The following SPAG16 variants were observed in gnomAD, a reference collection of about 807,000 sequenced individuals.
The protein encoded by SPAG16 is sperm-associated antigen 16 protein.
SPAG16 carries 86 observed loss-of-function variants against 80.4 expected under a neutral mutation model. The ratio of observed to expected loss-of-function variants is 1.07; its 90% CI spans 0.90 to 1.28. SPAG16 has a LOEUF of 1.28. Ranked by LOEUF, SPAG16 falls within the 50% of genes most tolerant of loss-of-function variation. The pLI is 0.00. For synonymous variants in SPAG16, 294 were observed against 265.9 expected (o/e 1.11, Z -1.03); for missense variants, 870 against 765.3 (o/e 1.14, Z -1.61).
At chr2:213,377,275 G>A (rs899153663) in intron 9 of SPAG16, among the ~76,000 whole-genome samples, 41 of 152,276 alleles carry the variant, frequency 2.7e-4, no homozygotes, top group African/African-American at 9.1e-4. Flanking sequence ...ACAATACAAT[G>A]TACCAGTAAA....
At chr2:214,298,016 A>G (rs550765668) in intron 15 of SPAG16, among the ~76,000 whole-genome samples, 1 of 150,482 alleles carries the variant, frequency 6.6e-6, no homozygotes, top group South Asian at 2.1e-4. Flanking sequence ...AATTTCTTTA[A>G]TCAGTATTTT....
intron 10 of SPAG16, among the ~76,000 whole-genome samples, chr2:213,651,837 C>T (rs1042925345): frequency 2.0e-5 from 3 of 152,032 alleles, no homozygotes; most frequent in African/African-American, 7.3e-5. Context: ...TATAAATTGA[C>T]TTTCATTGAG....
At chr2:213,558,606 A>C (rs1262272526) in intron 10 of SPAG16, among the ~76,000 whole-genome samples, 1 of 152,088 alleles carries the variant, frequency 6.6e-6, no homozygotes, top group Non-Finnish European at 1.5e-5. Flanking sequence ...TAAAAAAGAA[A>C]CTTTATCCTC....
intron 10 of SPAG16, among the ~76,000 whole-genome samples, chr2:213,855,575 A>T (rs2075116510): frequency 6.6e-6 from 1 of 152,200 alleles, no homozygotes; most frequent in Non-Finnish European, 1.5e-5. Flanking sequence ...TTATAAAGAC[A>T]TACCTGAGAC....
chr2:214,229,167 G>A (rs973674485), intron 15 of SPAG16, among the ~76,000 whole-genome samples: 76 of 148,692 alleles, frequency 5.1e-4, no homozygotes, highest in Non-Finnish European at 7.7e-4. Context: ...AAAAAAAAAA[G>A]GATAATTTCA....
chr2:213,937,507 T>A (rs913971669), intron 12 of SPAG16, among the ~76,000 whole-genome samples: 3 of 152,074 alleles, frequency 2.0e-5, no homozygotes, highest in African/African-American at 7.2e-5. Context: ...AATTATTATA[T>A]CTTCTTGGAT....
chr2:213,434,073 A>G (rs2070474348), intron 9 of SPAG16, among the ~76,000 whole-genome samples: 1 of 151,930 alleles, frequency 6.6e-6, no homozygotes. Flanking sequence ...GGCACCCGCC[A>G]TGACCGGTTA....
At chr2:214,051,873 T>TA (rs2049663442) in intron 13 of SPAG16, among the ~76,000 whole-genome samples, 1 of 152,226 alleles carries the variant, frequency 6.6e-6, no homozygotes, top group African/African-American at 2.4e-5. Flanking sequence ...ATAGGGTTTT[T>TA]ATCCTACATC....
chr2:213,377,911 T>A (rs1420322427), intron 9 of SPAG16, among the ~76,000 whole-genome samples: 45 of 127,608 alleles, frequency 3.5e-4, no homozygotes, highest in African/African-American at 1.9e-3. Context: ...ATATTTTTTT[T>A]TTTTTTTCTT....
chr2:213,557,483 A>G (rs1266278459), intron 10 of SPAG16, among the ~76,000 whole-genome samples: 2 of 152,098 alleles, frequency 1.3e-5, no homozygotes, highest in African/African-American at 4.8e-5. Flanking sequence ...CATTAAGAAT[A>G]GAGTATTCTG....
At chr2:214,008,770 G>A (rs1439324062) in intron 12 of SPAG16, among the ~76,000 whole-genome samples, 1 of 151,926 alleles carries the variant, frequency 6.6e-6, no homozygotes, top group South Asian at 2.1e-4. Flanking sequence ...ATACATGCTA[G>A]ATGTTGTTAA....
intron 15 of SPAG16, among the ~76,000 whole-genome samples, chr2:214,363,666 G>C (rs2126074471): frequency 6.6e-6 from 1 of 152,110 alleles, no homozygotes; most frequent in South Asian, 2.1e-4. Context: ...CAGGTCATGG[G>C]CATATGCAGG....
At chr2:213,379,378 G>T (rs1009796014) in intron 9 of SPAG16, among the ~76,000 whole-genome samples, 1 of 152,190 alleles carries the variant, frequency 6.6e-6, no homozygotes, top group Non-Finnish European at 1.5e-5. Context: ...GACTTCAAAA[G>T]GCAATTCTAC....
chr2:213,996,487 A>G (rs1445944476), intron 12 of SPAG16, among the ~76,000 whole-genome samples: 1 of 152,020 alleles, frequency 6.6e-6, no homozygotes, highest in Non-Finnish European at 1.5e-5. Flanking sequence ...ATAAAAGCAG[A>G]TATATCTTGG....
At chr2:214,364,078 A>G (rs531434316) in intron 15 of SPAG16, among the ~76,000 whole-genome samples, 21 of 152,200 alleles carry the variant, frequency 1.4e-4, no homozygotes, top group Admixed American at 5.9e-4. Context: ...AAGAAACCCA[A>G]AAGATTTAGT....
At chr2:213,407,805 CAGAGAGAGAGAGAGGAGAGAGGCAG>C (rs2068723679) in intron 9 of SPAG16, among the ~76,000 whole-genome samples, 2 of 90,084 alleles carry the variant, frequency 2.2e-5, no homozygotes, top group Non-Finnish European at 4.2e-5. Context: ...ACAGGAGAGG[CAGAGAGAGAGAGAGGAGAGAGGCAG>C]AGAGAGAGAG....
At chr2:213,658,207 A>C (rs1275557458) in intron 10 of SPAG16, among the ~76,000 whole-genome samples, 6 of 149,450 alleles carry the variant, frequency 4.0e-5, no homozygotes, top group Non-Finnish European at 8.8e-5. Context: ...TCTCATCTTA[A>C]GCCCTCCTGT....
intron 11 of SPAG16, among the ~76,000 whole-genome samples, chr2:213,901,361 G>A (rs2077213644): frequency 6.6e-6 from 1 of 152,076 alleles, no homozygotes; most frequent in Non-Finnish European, 1.5e-5. Flanking sequence ...TTGCTAGTAA[G>A]GCCTGAACGC....
intron 10 of SPAG16, among the ~76,000 whole-genome samples, chr2:213,744,299 G>GAATCT (rs1372713815): frequency 2.0e-5 from 3 of 151,980 alleles, no homozygotes; most frequent in Non-Finnish European, 2.9e-5. Context: ...ATATAATTGA[G>GAATCT]AATCTCCTCC....
Sources: gnomAD v4.1 joint callset for allele counts (sites outside exome capture counted in the v4.1 genomes callset) on GRCh38, gnomAD v4.1.1 for gene constraint, MANE v1.5 for transcripts, NCBI Gene and HGNC (gene_info 2026-07-23, HGNC 2026-07-21) for gene names.